Variants in FALEC observed in about 807,000 individuals in gnomAD.
The protein encoded by FALEC is focally amplified lncRNA regulator of ECM1.
chr1:150,530,901 T>C, the FALEC span, among the ~76,000 whole-genome samples: 6 of 152,212 alleles, frequency 3.9e-5, no homozygotes, highest in Non-Finnish European at 7.3e-5. Context: ...GCCCCTGTTC[T>C]GAGCCAGTCA....
At chr1:150,533,536 A>G in the FALEC span, among the ~76,000 whole-genome samples, 2 of 149,230 alleles carry the variant, frequency 1.3e-5, no homozygotes, top group African/African-American at 5.0e-5. Context: ...CCCAGGTTCA[A>G]GTGATTCTCC....
the FALEC span, among the ~76,000 whole-genome samples, chr1:150,533,061 G>A: frequency 6.6e-6 from 1 of 152,260 alleles, no homozygotes; most frequent in Non-Finnish European, 1.5e-5. Flanking sequence ...CAGAGTAGCA[G>A]TAATAGCGTT....
At chr1:150,531,930 A>G in the FALEC span, among the ~76,000 whole-genome samples, 1 of 152,158 alleles carries the variant, frequency 6.6e-6, no homozygotes, top group African/African-American at 2.4e-5. Flanking sequence ...GATGGCTGAC[A>G]CCCTTGCTCT....
downstream of FALEC, among the ~76,000 whole-genome samples, chr1:150,521,122 T>G (rs1363441508): frequency 6.6e-6 from 1 of 152,178 alleles, no homozygotes; most frequent in East Asian, 1.9e-4. Context: ...TGGAATTCTA[T>G]TTCAGAAATA....
At chr1:150,527,894 G>C in the FALEC span, among the ~76,000 whole-genome samples, 1 of 152,116 alleles carries the variant, frequency 6.6e-6, no homozygotes, top group Non-Finnish European at 1.5e-5. Flanking sequence ...AGTTTTCATT[G>C]GTAGGAGGAC....
At chr1:150,519,339 G>A (rs756200698), downstream of FALEC, among the ~76,000 whole-genome samples, 33 of 152,102 alleles carry the variant, frequency 2.2e-4, no homozygotes, top group Non-Finnish European at 4.4e-4. Flanking sequence ...CAGCTTTATT[G>A]GATATAATTC....
chr1:150,520,520 T>C (rs1670625057), downstream of FALEC, among the ~76,000 whole-genome samples: 1 of 152,214 alleles, frequency 6.6e-6, no homozygotes, highest in South Asian at 2.1e-4. Context: ...GGCTGAATCA[T>C]ATTCCATTGT....
At chr1:150,519,939 G>A (rs749350574), downstream of FALEC, among the ~76,000 whole-genome samples, 4 of 152,062 alleles carry the variant, frequency 2.6e-5, no homozygotes, top group Middle Eastern at 3.2e-3. Flanking sequence ...GATCACCTGA[G>A]GTCGGGAGTT....
intron 1 of FALEC, among the ~76,000 whole-genome samples, chr1:150,516,696 A>G (rs1261623427): frequency 6.6e-6 from 1 of 152,230 alleles, no homozygotes; most frequent in Non-Finnish European, 1.5e-5. Flanking sequence ...GCTCCTAATT[A>G]TTGGAGAGGC....
chr1:150,529,105 T>C, the FALEC span, among the ~76,000 whole-genome samples: 1 of 146,292 alleles, frequency 6.8e-6, no homozygotes, highest in South Asian at 2.1e-4. Flanking sequence ...TGAATTGAAA[T>C]ATGTGCAGCT....
At chr1:150,522,162 G>A (rs1013866666), downstream of FALEC, among the ~76,000 whole-genome samples, 3 of 151,706 alleles carry the variant, frequency 2.0e-5, no homozygotes, top group Non-Finnish European at 2.9e-5. Context: ...CAGGAGAATC[G>A]CGTGCACCCA....
the FALEC span, among the ~76,000 whole-genome samples, chr1:150,525,493 C>G: frequency 6.6e-6 from 1 of 151,646 alleles, no homozygotes; most frequent in Non-Finnish European, 1.5e-5. Flanking sequence ...GCATACAGTT[C>G]AACTGGAAAA....
At chr1:150,524,375 C>G in the FALEC span, among the ~76,000 whole-genome samples, 1 of 152,040 alleles carries the variant, frequency 6.6e-6, no homozygotes, top group Non-Finnish European at 1.5e-5. Context: ...TCTCAGGCTT[C>G]CACAGCATCA....
chr1:150,533,173 G>A, the FALEC span, among the ~76,000 whole-genome samples: 1 of 152,210 alleles, frequency 6.6e-6, no homozygotes, highest in Non-Finnish European at 1.5e-5. Flanking sequence ...GGCACTGAAT[G>A]GCTAGCCTGC....
chr1:150,534,140 A>C, the FALEC span, among the ~76,000 whole-genome samples: 2 of 152,034 alleles, frequency 1.3e-5, no homozygotes, highest in Admixed American at 1.3e-4. Flanking sequence ...AGGTGGCCCC[A>C]CCCCACCCCT....
chr1:150,522,970 TATA>T (rs1670674637), downstream of FALEC, among the ~76,000 whole-genome samples: 19 of 50,170 alleles, frequency 3.8e-4, 1 homozygote, highest in African/African-American at 1.5e-3. Flanking sequence ...TATATATATA[TATA>T]TATATATATA....
At chr1:150,533,430 CTTTTTTTT>C in the FALEC span, among the ~76,000 whole-genome samples, 1 of 97,672 alleles carries the variant, frequency 1.0e-5, no homozygotes, top group Non-Finnish European at 1.9e-5. Context: ...AGAACCAGAG[CTTTTTTTT>C]TTTTTTTTTT....
downstream of FALEC, among the ~76,000 whole-genome samples, chr1:150,522,854 TATATATATATACGTATATATAC>T (rs1433589571): frequency 1.0e-5 from 1 of 95,972 alleles, no homozygotes. Context: ...TCTCTCTCTA[TATATATATATACGTATATATAC>T]ATATATATAT....
chr1:150,521,764 C>A (rs1670646466), downstream of FALEC, among the ~76,000 whole-genome samples: 1 of 152,160 alleles, frequency 6.6e-6, no homozygotes, highest in Admixed American at 6.5e-5. Flanking sequence ...TATTTATGGA[C>A]CTTCCATTCT....
Sources: allele counts gnomAD v4.1 joint callset (sites outside exome capture counted in the v4.1 genomes callset), GRCh38; gene constraint gnomAD v4.1.1; transcripts MANE v1.5; gene names NCBI Gene and HGNC (gene_info 2026-07-23, HGNC 2026-07-21).